Variants in SOX5 observed in about 807,000 individuals in gnomAD.
SOX5 encodes the protein SRY-box transcription factor 5.
Under a neutral mutation model 92.0 loss-of-function variants are expected in SOX5, and 9 were observed. That is an observed-to-expected ratio of 0.10 (90% CI 0.06 to 0.17). The LOEUF (loss-of-function observed/expected upper bound fraction) is 0.17. Among genes scored for constraint, SOX5 ranks in the 10% least tolerant of loss-of-function variants. The pLI is 1.00. For missense variants in SOX5, 642 were observed against 944.5 expected (o/e 0.68, Z 4.20); for synonymous variants, 344 against 336.3 (o/e 1.02, Z -0.25).
intron 2 of SOX5, among the ~76,000 whole-genome samples, chr12:24,312,492 T>G (rs1949278644): frequency 6.6e-6 from 1 of 152,190 alleles, no homozygotes; most frequent in African/African-American, 2.4e-5. Flanking sequence ...GTTTACTCAC[T>G]TCTGTATCAC....
chr12:24,527,083 C>T (rs188049996), intron 1 of SOX5, among the ~76,000 whole-genome samples: 27 of 152,244 alleles, frequency 1.8e-4, no homozygotes, highest in Non-Finnish European at 3.5e-4. Flanking sequence ...TGAGCCACCA[C>T]GCCCAGCCAT....
chr12:24,267,900 T>C (rs1320032678), intron 3 of SOX5, among the ~76,000 whole-genome samples: 2 of 152,178 alleles, frequency 1.3e-5, no homozygotes, highest in Non-Finnish European at 2.9e-5. Context: ...TCCCATAACT[T>C]TTGAGAGATT....
intron 4 of SOX5, among the ~76,000 whole-genome samples, chr12:24,130,033 C>T (rs764837303): frequency 1.3e-5 from 2 of 151,910 alleles, no homozygotes; most frequent in Non-Finnish European, 2.9e-5. Context: ...GTGTATATTG[C>T]ATGTATCTGG....
chr12:23,682,821 T>C lies in SOX5; in HGVS notation c.811-17257A>G, dbSNP rs116475892. On this transcript the variant is annotated intron_variant, in intron 6 of 14. Transcript: ENST00000451604. ...AATAAAACAGCAATGAAATTGATAT[T>C]AGCAGGAAATAAGATGAAAGCTGAC... is the stretch of plus-strand genomic sequence containing the variant. Among the ~76,000 whole-genome samples the C allele has an allele frequency of 4.7e-3, 710 of 151,930 alleles. 3 individuals carry two copies. The highest frequency in any genetic ancestry group is 0.016 in the African/African-American group (665 of 41,544).
rs914579636 is a variant in SOX5 at position 24,547,172 on chromosome 12, T to C, written c.-251+15157A>G. Among the ~76,000 whole-genome samples, 17 of 149,716 alleles carry C rather than the reference T, an allele frequency of 1.1e-4. No individual in the cohort carries two copies. The South Asian group carries it at 1.7e-3, about 15-fold the overall frequency. ...CCAAATAGTGAGAAGTCAACTGATA[T>C]CTAACATTTTTTTTTTTTTTTTTTT... On this transcript the variant is annotated intron_variant, in intron 1 of 4. Coordinates refer to the SOX5 transcript ENST00000446891.
At chr12:23,987,559 A>C (rs1227736901) in intron 4 of SOX5, among the ~76,000 whole-genome samples, 2 of 152,172 alleles carry the variant, frequency 1.3e-5, no homozygotes, top group Non-Finnish European at 2.9e-5. Flanking sequence ...TTGGGAAGCC[A>C]AGGTGGGCGG....
chr12:24,128,902 A>G (rs1429226052), intron 4 of SOX5, among the ~76,000 whole-genome samples: 1 of 152,178 alleles, frequency 6.6e-6, no homozygotes, highest in Non-Finnish European at 1.5e-5. Context: ...GCTGGAGTCC[A>G]GGAGAAAAAC....
intron 10 of SOX5, among the ~76,000 whole-genome samples, chr12:23,569,026 A>G (rs529117042): frequency 3.4e-4 from 51 of 152,090 alleles, no homozygotes; most frequent in African/African-American, 1.2e-3. Flanking sequence ...CCATCTCTAC[A>G]AAAAAACACA....
chr12:24,553,724 T>C (rs927007179), intron 1 of SOX5, among the ~76,000 whole-genome samples: 1 of 151,982 alleles, frequency 6.6e-6, no homozygotes, highest in Non-Finnish European at 1.5e-5. Flanking sequence ...AGAGAATTTG[T>C]GGTAAGAGAA....
rs570362893 is a variant in SOX5, at chr12:24,122,955, A to G, written c.-2+90388T>C. The stretch of plus-strand genomic sequence containing the variant: ...TGTGAAGCCATTAGAGGCAAGTTCA[A>G]TGTCAACCAAGGTCGAGGTTAAACA... On this transcript the variant is annotated intron_variant, in intron 4 of 4. Transcript: ENST00000446891. Among the ~76,000 whole-genome samples the G allele has an allele frequency of 2.0e-5, 3 of 152,364 alleles. No individual in the cohort carries two copies. The South Asian group carries it at 6.2e-4, about 32-fold the overall frequency.
At position 24,327,906 on chromosome 12, in the gene SOX5, G is replaced by A. The variant is rs111654141; in HGVS notation, c.-174+40657C>T. Among the ~76,000 whole-genome samples the A allele has an allele frequency of 8.3e-3, 1,264 of 151,896 alleles. 14 individuals are homozygous for A. The highest frequency in any genetic ancestry group is 0.028 in the African/African-American group (1,169 of 41,416). On this transcript the variant is annotated intron_variant, in intron 2 of 4. Coordinates refer to the SOX5 transcript ENST00000446891. Reference sequence around the variant, plus strand: ...TGGGTTTCACCATGTTGGTCAGGCTGGTCTCGAACTTGTGACCTCAAGTGG... The same window carrying A: ...TGGGTTTCACCATGTTGGTCAGGCTAGTCTCGAACTTGTGACCTCAAGTGG...
At chr12:23,766,646 A>G (rs75448709) in intron 3 of SOX5, among the ~76,000 whole-genome samples, 2,306 of 152,282 alleles carry the variant, frequency 0.015, 30 homozygotes, top group Non-Finnish European at 0.024. Flanking sequence ...TCTTCTTAGA[A>G]AGTTAAAAGA....
chr12:23,966,523 C>A (rs1184316173), intron 4 of SOX5, among the ~76,000 whole-genome samples: 1 of 152,004 alleles, frequency 6.6e-6, no homozygotes, highest in Non-Finnish European at 1.5e-5. Context: ...ATTTAATTAG[C>A]AAATAGGCCA....
In SOX5 at chr12:23,970,841, A is replaced by ATATATATATATATATATTTTTTT; in HGVS notation, c.-1-74818_-1-74817insAAAAAAATATATATATATATATA. On this transcript the variant is annotated intron_variant, in intron 4 of 4. Transcript: ENST00000446891. ...ACATGGGACTTTATATATATATATA[A>ATATATATATATATATATTTTTTT]TTTTTTTTTTTTTTTAAGAAATGGG... Among the ~76,000 whole-genome samples, 13 of 21,882 alleles carry ATATATATATATATATATTTTTTT rather than the reference A, an allele frequency of 5.9e-4. 1 individual carries two copies. Among genetic ancestry groups the ATATATATATATATATATTTTTTT allele is most frequent in the East Asian group, 2.6e-3 (3 of 1,156 alleles). The allele number at this position is 21,882 out of a possible 152,430, so 14.4% of individuals were successfully genotyped here. A position where few individuals can be genotyped will look rare whatever the true frequency, so the allele number is the denominator to read the frequency against.
chr12:23,854,538 T>G (rs1456750284), intron 2 of SOX5, among the ~76,000 whole-genome samples: 2 of 152,038 alleles, frequency 1.3e-5, no homozygotes, highest in Non-Finnish European at 2.9e-5. Flanking sequence ...GAAAATTAAT[T>G]TATATGTATA....
At position 24,140,725 on chromosome 12, in the gene SOX5, C is replaced by G. The variant is rs567734814; in HGVS notation, c.-2+72618G>C. On this transcript the variant is annotated intron_variant, in intron 4 of 4. Transcript: ENST00000446891. ...ATCTTTCTAACAACGTATGTATTTA[C>G]TCCTAAACGGTCTATAATTAATTTT... 1.1e-4 allele frequency among the ~76,000 whole-genome samples: 17 copies of G among 152,290 alleles called. 1 individual carries two copies. The South Asian group carries it at 3.5e-3, about 32-fold the overall frequency.
At chr12:23,736,683 CT>C (rs2093607854) in intron 5 of SOX5, among the ~76,000 whole-genome samples, 1 of 143,120 alleles carries the variant, frequency 7.0e-6, no homozygotes, top group Non-Finnish European at 1.5e-5. Flanking sequence ...ACATTTTGTT[CT>C]TTCTCTTTTT....
intron 3 of SOX5, among the ~76,000 whole-genome samples, chr12:23,768,048 C>T (rs1043365861): frequency 6.6e-6 from 1 of 152,104 alleles, no homozygotes; most frequent in African/African-American, 2.4e-5. Flanking sequence ...GGATTCCATG[C>T]TTTCCTAATG....
intron 2 of SOX5, among the ~76,000 whole-genome samples, chr12:23,861,459 G>T (rs1256740596): frequency 6.6e-6 from 1 of 152,108 alleles, no homozygotes; most frequent in East Asian, 1.9e-4. Flanking sequence ...ATCCTATGGA[G>T]TATAAAGAGG....
Sources: gnomAD v4.1 joint callset for allele counts (sites outside exome capture counted in the v4.1 genomes callset) on GRCh38, gnomAD v4.1.1 for gene constraint, MANE v1.5 for transcripts, NCBI Gene and HGNC (gene_info 2026-07-23, HGNC 2026-07-21) for gene names.